C8orf34: variants seen among roughly 807,000 people sequenced by gnomAD.
C8orf34 encodes the protein chromosome 8 open reading frame 34.
C8orf34 carries 65 observed loss-of-function variants against 68.3 expected under a neutral mutation model. The observed-to-expected ratio is 0.95, with a 90% CI of 0.78 to 1.17. The LOEUF is 1.17. Ranked by LOEUF, C8orf34 falls within the 50% of genes most tolerant of loss-of-function variation. C8orf34 has a pLI of 0.00. For missense variants in C8orf34, 664 were observed against 655.4 expected, an observed-to-expected ratio of 1.01 and a Z score of -0.14; for synonymous variants, 244 against 241.2, an observed-to-expected ratio of 1.01 and a Z score of -0.11.
intron 5 of C8orf34, among the ~76,000 whole-genome samples, chr8:68,501,901 G>T (rs936532520): frequency 2.0e-5 from 3 of 152,090 alleles, no homozygotes; most frequent in Non-Finnish European, 2.9e-5. Flanking sequence ...AGAAGGGAAA[G>T]ATCAGTCAAT....
intron 1 of C8orf34, among the ~76,000 whole-genome samples, chr8:68,369,967 C>T (rs1048987502): frequency 2.0e-5 from 3 of 152,274 alleles, no homozygotes; most frequent in Non-Finnish European, 4.4e-5. Flanking sequence ...ATGGGTTGTC[C>T]AGGACATTGT....
chr8:68,633,350 CTTTCTTATGTA>C (rs1212242040), intron 7 of C8orf34, among the ~76,000 whole-genome samples: 2 of 152,176 alleles, frequency 1.3e-5, no homozygotes, highest in Non-Finnish European at 2.9e-5. Context: ...ACCTCAGTTG[CTTTCTTATGTA>C]TTTCTTATAA....
intron 3 of C8orf34, among the ~76,000 whole-genome samples, chr8:68,460,153 C>T (rs772484422): frequency 1.6e-4 from 25 of 152,160 alleles, no homozygotes; most frequent in South Asian, 2.1e-4. Context: ...GCACCTGGCT[C>T]GGAGGGTCCT....
intron 7 of C8orf34, among the ~76,000 whole-genome samples, chr8:68,623,854 C>T (rs571088433): frequency 6.6e-6 from 1 of 152,258 alleles, no homozygotes; most frequent in Admixed American, 6.5e-5. Context: ...CTAATACCTT[C>T]ACATCAGGGC....
At chr8:68,791,800 AC>A (rs1824001752) in intron 12 of C8orf34, 1 of 152,226 alleles carries the variant, frequency 6.6e-6, no homozygotes, top group Admixed American at 6.5e-5. Context: ...AGATGATGAC[AC>A]GGTATAGAGC....
At chr8:68,449,173 C>T (rs1453496570) in intron 3 of C8orf34, among the ~76,000 whole-genome samples, 1 of 152,048 alleles carries the variant, frequency 6.6e-6, no homozygotes, top group Non-Finnish European at 1.5e-5. Context: ...AACAAACAAA[C>T]AAACACAACT....
chr8:68,468,860 A>C, intron 4 of C8orf34, 40 bp downstream of exon 4: 29 of 1,586,980 alleles, frequency 1.8e-5, no homozygotes, highest in Non-Finnish European at 2.4e-5. Flanking sequence ...ACTCCTAACC[A>C]ATATTAAAGC....
chr8:68,678,160 C>T (rs1264923813), intron 8 of C8orf34, among the ~76,000 whole-genome samples: 1 of 152,142 alleles, frequency 6.6e-6, no homozygotes, highest in Non-Finnish European at 1.5e-5. Context: ...AGAACTAATA[C>T]CTACTCAAAC....
chr8:68,816,024 A>G, intron 13 of C8orf34, 79 bp downstream of exon 13: 1 of 1,609,664 alleles, frequency 6.2e-7, no homozygotes, highest in Non-Finnish European at 8.5e-7. Flanking sequence ...TTTGTATTAA[A>G]AAAGTACGTA....
At chr8:68,694,614 G>C (rs986622886) in intron 8 of C8orf34, among the ~76,000 whole-genome samples, 1 of 151,866 alleles carries the variant, frequency 6.6e-6, no homozygotes, top group Non-Finnish European at 1.5e-5. Context: ...TTTCCTATTT[G>C]TTTTCTCATT....
chr8:68,795,324 CTTT>C (rs59226472), intron 12 of C8orf34, among the ~76,000 whole-genome samples: 36 of 127,410 alleles, frequency 2.8e-4, no homozygotes, highest in Middle Eastern at 4.3e-3. Flanking sequence ...TTATTGACTG[CTTT>C]TTTTTTTTTT....
At chr8:68,475,802 T>G (rs1280698298) in intron 4 of C8orf34, among the ~76,000 whole-genome samples, 1 of 152,246 alleles carries the variant, frequency 6.6e-6, no homozygotes, top group Non-Finnish European at 1.5e-5. Flanking sequence ...CTAATGCTTT[T>G]GCTGCTTCTG....
intron 10 of C8orf34, among the ~76,000 whole-genome samples, chr8:68,724,399 AC>A (rs1211860663): frequency 6.6e-6 from 1 of 152,246 alleles, no homozygotes; most frequent in African/African-American, 2.4e-5. Context: ...TAGTTTCAAC[AC>A]AGGCTGTCTC....
At chr8:68,771,348 G>A (rs1823329643) in intron 10 of C8orf34, among the ~76,000 whole-genome samples, 1 of 152,176 alleles carries the variant, frequency 6.6e-6, no homozygotes, top group Admixed American at 6.5e-5. Flanking sequence ...TATCATAAAT[G>A]TGGTAACTCT....
intron 8 of C8orf34, among the ~76,000 whole-genome samples, chr8:68,642,497 C>T (rs1483860224): frequency 6.6e-6 from 1 of 152,170 alleles, no homozygotes; most frequent in Admixed American, 6.5e-5. Context: ...CTGTTTTATG[C>T]ATACTAGGAA....
intron 13 of C8orf34, among the ~76,000 whole-genome samples, chr8:68,816,869 T>A (rs1824835870): frequency 6.6e-6 from 1 of 152,074 alleles, no homozygotes; most frequent in Non-Finnish European, 1.5e-5. Flanking sequence ...AGAGACTGAT[T>A]AGAAAAACTA....
At chr8:68,799,705 C>A (rs145078333) in intron 12 of C8orf34, among the ~76,000 whole-genome samples, 1,928 of 152,210 alleles carry the variant, frequency 0.013, 33 homozygotes, top group Non-Finnish European at 0.016. Flanking sequence ...TTGTGTGTTT[C>A]CCCTATCAAG....
At chr8:68,391,589 A>G (rs533290430) in intron 1 of C8orf34, among the ~76,000 whole-genome samples, 22 of 152,282 alleles carry the variant, frequency 1.4e-4, no homozygotes, top group African/African-American at 4.6e-4. Context: ...TTTTGTGTTG[A>G]GGTTCTGTCA....
chr8:68,429,627 A>G (rs1810370926), intron 1 of C8orf34, among the ~76,000 whole-genome samples: 1 of 152,212 alleles, frequency 6.6e-6, no homozygotes, highest in Non-Finnish European at 1.5e-5. Context: ...AATACCTTTA[A>G]TAGTAGAGTG....
Sources: gnomAD v4.1 joint callset for allele counts (sites outside exome capture counted in the v4.1 genomes callset) on GRCh38, gnomAD v4.1.1 for gene constraint, MANE v1.5 for transcripts, NCBI Gene and HGNC (gene_info 2026-07-23, HGNC 2026-07-21) for gene names.